CALN1: variants seen among roughly 807,000 people sequenced by gnomAD.
CALN1 encodes the protein calneuron 1.
Under a neutral mutation model 30.6 loss-of-function variants are expected in CALN1, and 17 were observed. The observed-to-expected ratio is 0.56, with a 90% CI of 0.38 to 0.83. CALN1 has a LOEUF of 0.83. CALN1 is among the 40% of genes least tolerant of loss of function. CALN1 has a pLI of 0.00. For missense variants in CALN1, 291 were observed against 354.9 expected (o/e 0.82, Z 1.45); for synonymous variants, 156 against 131.4 (o/e 1.19, Z -1.28).
At chr7:72,044,599 CT>C (rs549079139) in intron 4 of CALN1, among the ~76,000 whole-genome samples, 152 of 96,658 alleles carry the variant, frequency 1.6e-3, no homozygotes, top group Middle Eastern at 6.8e-3. Flanking sequence ...CCGCTTAAAA[CT>C]TTTTTTTTTT....
At chr7:72,041,883 C>T (rs149191394) in intron 4 of CALN1, among the ~76,000 whole-genome samples, 21 of 152,284 alleles carry the variant, frequency 1.4e-4, no homozygotes, top group Admixed American at 6.5e-5. Context: ...CCATGTAAGA[C>T]GTGGCTTTGC....
At chr7:71,788,900 T>C (rs574105236) in intron 6 of CALN1, among the ~76,000 whole-genome samples, 25 of 151,818 alleles carry the variant, frequency 1.6e-4, no homozygotes, top group Non-Finnish European at 3.4e-4. Flanking sequence ...CCTTGTGATC[T>C]ACCCGCCTTG....
At chr7:71,897,321 G>C (rs1273938334) in intron 5 of CALN1, among the ~76,000 whole-genome samples, 2 of 152,134 alleles carry the variant, frequency 1.3e-5, no homozygotes, top group Non-Finnish European at 2.9e-5. Flanking sequence ...ATTTTAACCT[G>C]CTCAGCTATT....
the CALN1 span, among the ~76,000 whole-genome samples, chr7:72,488,447 G>T: frequency 7.9e-5 from 12 of 152,184 alleles, no homozygotes; most frequent in African/African-American, 2.2e-4. Flanking sequence ...GAGGTTAGGG[G>T]GCCTAAAGTT....
chr7:72,473,383 TCCCCTCC>T, the CALN1 span, among the ~76,000 whole-genome samples: 1 of 151,822 alleles, frequency 6.6e-6, no homozygotes, highest in Non-Finnish European at 1.5e-5. Flanking sequence ...GTTCCCCTCA[TCCCCTCC>T]CAGCTTTGCT....
intron 3 of CALN1, among the ~76,000 whole-genome samples, chr7:72,242,887 C>G (rs1285127205): frequency 6.6e-6 from 1 of 151,892 alleles, no homozygotes; most frequent in Non-Finnish European, 1.5e-5. Context: ...GAATCCAACT[C>G]AAAAATAAAA....
intron 3 of CALN1, among the ~76,000 whole-genome samples, chr7:72,221,664 C>G (rs539764090): frequency 6.6e-6 from 1 of 152,032 alleles, no homozygotes; most frequent in African/African-American, 2.4e-5. Flanking sequence ...GCGAGGAGAG[C>G]GGATCACCTG....
chr7:71,984,002 A>G (rs2129527365), intron 5 of CALN1, among the ~76,000 whole-genome samples: 1 of 152,360 alleles, frequency 6.6e-6, no homozygotes, highest in Non-Finnish European at 1.5e-5. Context: ...AATAGTTTGT[A>G]AAGACTAATA....
At chr7:71,883,100 TGAG>T (rs1792682176) in intron 5 of CALN1, among the ~76,000 whole-genome samples, 3 of 151,006 alleles carry the variant, frequency 2.0e-5, no homozygotes, top group East Asian at 4.1e-4. Flanking sequence ...TGAAATACTA[TGAG>T]GATAGTGATA....
At chr7:71,936,433 G>C (rs1038181317) in intron 5 of CALN1, among the ~76,000 whole-genome samples, 2 of 150,758 alleles carry the variant, frequency 1.3e-5, no homozygotes, top group African/African-American at 4.9e-5. Flanking sequence ...TGAGCGTAGA[G>C]CCTTGCTTCA....
chr7:72,325,773 G>A (rs1210296005), intron 2 of CALN1, among the ~76,000 whole-genome samples: 1 of 152,174 alleles, frequency 6.6e-6, no homozygotes, highest in Non-Finnish European at 1.5e-5. Context: ...TTGGTGACCT[G>A]CTCCCACCAA....
At chr7:71,837,565 C>T (rs1480117660) in intron 5 of CALN1, among the ~76,000 whole-genome samples, 1 of 152,130 alleles carries the variant, frequency 6.6e-6, no homozygotes, top group African/African-American at 2.4e-5. Context: ...TATGATCCAT[C>T]TACAAGGCAA....
At chr7:72,120,787 G>C (rs964013777) in intron 3 of CALN1, among the ~76,000 whole-genome samples, 1 of 152,224 alleles carries the variant, frequency 6.6e-6, no homozygotes, top group East Asian at 1.9e-4. Context: ...CAAGGAAAAG[G>C]AGGCAATTCA....
intron 5 of CALN1, among the ~76,000 whole-genome samples, chr7:71,984,211 G>C (rs1201260825): frequency 2.0e-5 from 3 of 152,152 alleles, no homozygotes; most frequent in African/African-American, 4.8e-5. Context: ...GGAAGAGAGA[G>C]AGTGAGGGGG....
intron 3 of CALN1, among the ~76,000 whole-genome samples, chr7:72,224,758 G>C (rs1410465305): frequency 6.6e-6 from 1 of 150,572 alleles, no homozygotes; most frequent in African/African-American, 2.4e-5. Flanking sequence ...TCCAGCCTAG[G>C]CAACACCGTG....
chr7:71,824,755 T>G (rs963553220), intron 5 of CALN1, among the ~76,000 whole-genome samples: 2 of 152,188 alleles, frequency 1.3e-5, no homozygotes, highest in Non-Finnish European at 2.9e-5. Flanking sequence ...TCTGCCCATC[T>G]GCAAAAGGCA....
chr7:72,404,088 G>C (rs772872497), intron 1 of CALN1, among the ~76,000 whole-genome samples: 1 of 152,096 alleles, frequency 6.6e-6, no homozygotes, highest in Admixed American at 6.6e-5. Context: ...ACCTCTCTCT[G>C]GTATCGTTAC....
At chr7:72,384,531 G>C (rs1012347385) in intron 2 of CALN1, among the ~76,000 whole-genome samples, 1 of 152,104 alleles carries the variant, frequency 6.6e-6, no homozygotes, top group Admixed American at 6.6e-5. Flanking sequence ...CTACTCAAGA[G>C]GTTGACAGGG....
chr7:72,394,523 A>C (rs1014735755), intron 2 of CALN1, among the ~76,000 whole-genome samples: 1 of 152,222 alleles, frequency 6.6e-6, no homozygotes, highest in African/African-American at 2.4e-5. Context: ...ACAATAGAAA[A>C]GGATGCTGGT....
Sources: gnomAD v4.1 joint callset for allele counts (sites outside exome capture counted in the v4.1 genomes callset) on GRCh38, gnomAD v4.1.1 for gene constraint, MANE v1.5 for transcripts, NCBI Gene and HGNC (gene_info 2026-07-23, HGNC 2026-07-21) for gene names.